Variants in SLFN5 observed in about 807,000 individuals in gnomAD.
SLFN5 encodes schlafen family member 5.
Under a neutral mutation model 48.5 loss-of-function variants are expected in SLFN5, and 34 were observed. The ratio of observed to expected loss-of-function variants is 0.70; its 90% CI spans 0.53 to 0.93. The LOEUF is 0.93. SLFN5 is among the 40% of genes least tolerant of loss of function. The pLI is 0.00. For missense variants in SLFN5, 1,006 were observed against 1,071.3 expected, an observed-to-expected ratio of 0.94 and a Z score of 0.85; for synonymous variants, 387 against 396.2, an observed-to-expected ratio of 0.98 and a Z score of 0.28.
chr17:35,263,345 G>A (rs1019633962), intron 3 of SLFN5, among the ~76,000 whole-genome samples: 8 of 151,542 alleles, frequency 5.3e-5, no homozygotes, highest in Admixed American at 1.3e-4. Context: ...TGGCCAGGCT[G>A]GTGTTGAACT....
intron 1 of SLFN5, among the ~76,000 whole-genome samples, chr17:35,251,562 C>T (rs1261695285): frequency 2.6e-5 from 4 of 151,818 alleles, no homozygotes; most frequent in African/African-American, 4.8e-5. Flanking sequence ...CCCGCCACCA[C>T]GCCAGGTTAA....
intron 1 of SLFN5, among the ~76,000 whole-genome samples, chr17:35,252,052 A>G (rs995058584): frequency 3.9e-5 from 6 of 152,158 alleles, no homozygotes; most frequent in Non-Finnish European, 8.8e-5. Context: ...AATGGATATT[A>G]GCTAAATTTC....
intron 1 of SLFN5, among the ~76,000 whole-genome samples, chr17:35,251,171 G>C (rs1027463061): frequency 6.6e-5 from 10 of 152,180 alleles, no homozygotes; most frequent in Admixed American, 1.3e-4. Flanking sequence ...ATTTGTGCGA[G>C]AGCGATGTAG....
intron 1 of SLFN5, among the ~76,000 whole-genome samples, chr17:35,256,575 A>G (rs1246635567): frequency 2.0e-5 from 3 of 151,970 alleles, no homozygotes; most frequent in Admixed American, 1.3e-4. Context: ...GTTTCAGAGT[A>G]TATGCAAGTA....
rs1176919731 is a variant in SLFN5 at position 35,273,362 on chromosome 17, C to G, written c.*7474C>G. The G allele has an allele frequency of 1.3e-5, 2 of 152,154 alleles. No homozygotes were observed. Among genetic ancestry groups the G allele is most frequent in the Non-Finnish European group, 2.9e-5 (2 of 68,010 alleles). 9.4% of individuals were successfully genotyped at this position (152,154 alleles called of 1,614,324 possible). On this transcript the variant is annotated 3_prime_UTR_variant, in exon 5 of 5. Transcript: ENST00000299977. ...AAAAGATAGCTTTTGCTTTTTATGA[C>G]TTTTGGATTCTGTACCACGTAATAA...
At chr17:35,247,808 TG>T (rs2092434114) in intron 1 of SLFN5, among the ~76,000 whole-genome samples, 1 of 152,258 alleles carries the variant, frequency 6.6e-6, no homozygotes, top group Non-Finnish European at 1.5e-5. Flanking sequence ...CACAGTCCAG[TG>T]AGTTTGTGGT....
chr17:35,260,504 C>T (rs950580675), intron 2 of SLFN5, among the ~76,000 whole-genome samples: 13 of 152,234 alleles, frequency 8.5e-5, no homozygotes, highest in Middle Eastern at 3.4e-3. Flanking sequence ...GGGGGCAGAT[C>T]ACCTGAGGTC....
rs1904839291 is a variant in SLFN5, at chr17:35,271,892, G to A, written c.*6004G>A. ...TTAAAATGCAAGAAATTAGCTGGGT[G>A]TGGTGGTGTGCACCTATAGTCCTAG... On this transcript the variant is annotated 3_prime_UTR_variant, in exon 5 of 5. Coordinates refer to ENST00000299977, the MANE Select transcript of SLFN5 (RefSeq NM_144975.4). 1 of 152,176 alleles carries A rather than the reference G, an allele frequency of 6.6e-6. No homozygotes were observed. Among genetic ancestry groups the A allele is most frequent in the South Asian group, 2.1e-4 (1 of 4,830 alleles). 9.4% of individuals were successfully genotyped at this position (152,176 alleles called of 1,614,324 possible).
At chr17:35,248,687 A>G (rs1201557822) in intron 1 of SLFN5, among the ~76,000 whole-genome samples, 1 of 152,010 alleles carries the variant, frequency 6.6e-6, no homozygotes, top group African/African-American at 2.4e-5. Context: ...TAAGCCAGGT[A>G]TGCAGACATC....
chr17:35,265,431 G>A lies in SLFN5; in HGVS notation c.2219G>A (p.Gly740Glu). 1.2e-6 allele frequency: 2 copies of A among 1,614,138 alleles called. No individual in the cohort carries two copies. Among genetic ancestry groups the A allele is most frequent in the Non-Finnish European group, 1.7e-6 (2 of 1,180,040 alleles). ...RQNPPPNLPP[G>E]SLVMLYEPKW... is the part of the protein sequence containing the mutation. ...AATCCTCCACCTAACCTCCCCCCTG[G>A]GTCCCTGGTGATGCTCTATGAACCT... Residue 740 changes from glycine (G) to glutamate (E), a missense_variant, in exon 5 of 5, where the codon GGG (glycine) becomes GAG (glutamate). By Grantham distance (98) the Gly-to-Glu change is moderately conservative. Transcript: ENST00000299977.
intron 1 of SLFN5, among the ~76,000 whole-genome samples, chr17:35,243,845 A>G (rs905893023): frequency 6.6e-6 from 1 of 152,232 alleles, no homozygotes; most frequent in African/African-American, 2.4e-5. Context: ...TGACACACAG[A>G]TGCTTGGAGA....
Position 35,259,687 on chromosome 17 carries a change from A to G in SLFN5, c.997A>G (p.Met333Val), listed in dbSNP as rs966731529. The G allele has an allele frequency of 5.0e-6, 8 of 1,599,726 alleles. No individual in the cohort carries two copies. The highest frequency in any genetic ancestry group is 3.3e-5 in the Admixed American group (2 of 60,006). ...CACAAGAGAATGGACTGCTTGGATG[A>G]TGGAAGCTGACCCAGGTTAGGGAGC... is the stretch of plus-strand genomic sequence containing the variant. ...LPTREWTAWMMEADPDLSRCP... is the reference protein window; with the variant it reads ...LPTREWTAWMVEADPDLSRCP... Residue 333 changes from methionine to valine, a missense_variant, in exon 2 of 5, where the codon ATG (methionine) becomes GTG (valine). Transcript: ENST00000299977.
intron 1 of SLFN5, among the ~76,000 whole-genome samples, chr17:35,255,196 T>A (rs963437353): frequency 1.3e-5 from 2 of 152,232 alleles, no homozygotes; most frequent in African/African-American, 2.4e-5. Context: ...AGACAAATCT[T>A]ATTGTTAATG....
At chr17:35,254,555 GT>G (rs2092450269) in intron 1 of SLFN5, among the ~76,000 whole-genome samples, 2 of 152,212 alleles carry the variant, frequency 1.3e-5, no homozygotes, top group Non-Finnish European at 2.9e-5. Context: ...ACAGGGTTCT[GT>G]AATCATGCAT....
chr17:35,258,791 G>A lies in SLFN5; in HGVS notation c.101G>A (p.Arg34His), dbSNP rs150279441. The change falls in exon 2 of 5, where the codon CGC becomes CAC. Residue 34 changes from arginine (R) to histidine (H), a missense_variant. Physicochemically the swap from Arg to His is conservative, Grantham distance 29. Coordinates refer to ENST00000299977, the MANE Select transcript of SLFN5 (RefSeq NM_144975.4). ...GTQQRQEMDP[R>H]LREKQNEIIL... The stretch of plus-strand genomic sequence containing the variant: ...CAGCAGAGGCAGGAGATGGACCCTC[G>A]CCTGCGGGAGAAACAGAATGAAATC... 189 of 1,614,158 alleles carry A rather than the reference G, an allele frequency of 1.2e-4. 1 individual carries two copies. The Middle Eastern group carries it at 1.5e-3, about 13-fold the overall frequency.
chr17:35,252,637 T>G (rs2092445067), intron 1 of SLFN5, among the ~76,000 whole-genome samples: 1 of 152,170 alleles, frequency 6.6e-6, no homozygotes, highest in Non-Finnish European at 1.5e-5. Flanking sequence ...TTTTTCACAT[T>G]TCTTGTGCTT....
chr17:35,261,202 G>T (rs1904511987), intron 3 of SLFN5, 106 bp downstream of exon 3: 2 of 1,321,438 alleles, frequency 1.5e-6, no homozygotes, highest in Non-Finnish European at 2.0e-6. Context: ...GAGGTTTAAG[G>T]ACTTAAATAT....
chr17:35,272,787 T>C lies in SLFN5; in HGVS notation c.*6899T>C, dbSNP rs1022646776. On this transcript the variant is annotated 3_prime_UTR_variant, in exon 5 of 5. Coordinates refer to ENST00000299977, the MANE Select transcript of SLFN5 (RefSeq NM_144975.4). ...CCTAAAGATATGGAAACATTACTCA[T>C]GATAGCAGAAGTATCAATTGACAAA... 2 of 152,206 alleles carry C rather than the reference T, an allele frequency of 1.3e-5. No homozygotes were observed. The highest frequency in any genetic ancestry group is 6.5e-5 in the Admixed American group (1 of 15,284). The allele number at this position is 152,206 out of a possible 1,614,324, so 9.4% of individuals were successfully genotyped here.
rs1904791298 is a variant in SLFN5, at chr17:35,269,901, T to C, written c.*4013T>C. The C allele has an allele frequency of 6.6e-6, 1 of 152,194 alleles. No homozygotes were observed. Among genetic ancestry groups the C allele is most frequent in the African/African-American group, 2.4e-5 (1 of 41,454 alleles). The allele number at this position is 152,194 out of a possible 1,614,324, so 9.4% of individuals were successfully genotyped here. ...GAGTGGGGAAGTCTGAGTGCTAATA[T>C]GGATTTCAAAACAACTTTAAAAATG... On this transcript the variant is annotated 3_prime_UTR_variant, in exon 5 of 5. Coordinates refer to ENST00000299977, the MANE Select transcript of SLFN5 (RefSeq NM_144975.4).
Sources: gnomAD v4.1 joint callset for allele counts (sites outside exome capture counted in the v4.1 genomes callset) on GRCh38, gnomAD v4.1.1 for gene constraint, MANE v1.5 for transcripts, NCBI Gene and HGNC (gene_info 2026-07-23, HGNC 2026-07-21) for gene names.